CAP1: variants seen among roughly 807,000 people sequenced by gnomAD.
CAP1 encodes adenylyl cyclase-associated protein 1.
A neutral mutation model predicts 58.2 loss-of-function variants in CAP1; 11 were observed. The ratio of observed to expected loss-of-function variants is 0.19; its 90% CI spans 0.12 to 0.31. The LOEUF is 0.31. Ranked by LOEUF, CAP1 falls within the 10% of genes least tolerant of loss-of-function variation. The pLI is 1.00. For missense variants in CAP1, 423 were observed against 587.5 expected (o/e 0.72, Z 2.89); for synonymous variants, 183 against 213.8 (o/e 0.86, Z 1.26).
Position 40,069,441 on chromosome 1 carries a change from T to C in CAP1, c.809-249T>C. ...GATATGTCTTTCTAGACATAGAGGA[T>C]AAGGATTTACATATCCTTATCCTCA... On this transcript the variant is annotated intron_variant, in intron 8 of 12. Coordinates refer to ENST00000372805, the MANE Select transcript of CAP1 (RefSeq NM_006367.4). 8.3e-6 allele frequency: 3 copies of C among 363,238 alleles called. No individual in the cohort carries two copies. The South Asian group carries it at 1.7e-4, about 20-fold the overall frequency. 22.5% of individuals were successfully genotyped at this position (363,238 alleles called of 1,614,324 possible).
chr1:40,045,412 A>G (rs755806494), intron 1 of CAP1, among the ~76,000 whole-genome samples: 2 of 152,144 alleles, frequency 1.3e-5, no homozygotes, highest in Non-Finnish European at 2.9e-5. Flanking sequence ...TCAAGAAATT[A>G]CTGTTCCTTC....
rs1647447939 is a variant in CAP1, at chr1:40,069,735, C to T, written c.854C>T (p.Ala285Val). ...GACATGAAGACTCACAAGAACCCTGCCCTGAAGGCTCAGAGTGGTCCAGTA... is the reference window on the plus strand; with the variant it reads ...GACATGAAGACTCACAAGAACCCTGTCCTGAAGGCTCAGAGTGGTCCAGTA... ...SDDMKTHKNP[A>V]LKAQSGPVRS... Residue 285 changes from alanine to valine, a missense_variant, in exon 9 of 13, where the codon GCC becomes GTC. By Grantham distance (64) the Ala-to-Val change is moderately conservative. Coordinates refer to ENST00000372805, the MANE Select transcript of CAP1 (RefSeq NM_006367.4). 1.9e-6 allele frequency: 3 copies of T among 1,613,704 alleles called. No homozygotes were observed. The highest frequency in any genetic ancestry group is 2.5e-6 in the Non-Finnish European group (3 of 1,179,864).
rs373614963 is a variant in CAP1 at position 40,059,395 on chromosome 1, C to T, written c.49C>T (p.Arg17Cys). 29 of 1,613,806 alleles carry T rather than the reference C, an allele frequency of 1.8e-5. No individual in the cohort carries two copies. The highest frequency in any genetic ancestry group is 2.4e-5 in the Non-Finnish European group (28 of 1,179,880). Reference protein sequence around the residue: ...LVERLERAVGRLEAVSHTSDM... With the variant: ...LVERLERAVGCLEAVSHTSDM... ...AGAAAGATTGGAGAGGGCAGTGGGCCGCCTGGAGGCAGTATCTCATACCTC... is the reference window on the plus strand; with the variant it reads ...AGAAAGATTGGAGAGGGCAGTGGGCTGCCTGGAGGCAGTATCTCATACCTC... The change falls in exon 2 of 13, where the codon CGC (arginine) becomes TGC (cysteine). Residue 17 changes from arginine (R) to cysteine (C), a missense_variant. By Grantham distance (180) the Arg-to-Cys change is radical. Coordinates refer to ENST00000372805, the MANE Select transcript of CAP1 (RefSeq NM_006367.4).
At chr1:40,069,516 T>A (rs1001581536) in intron 8 of CAP1, 174 bp from the exon 9 acceptor site, 9 of 636,768 alleles carry the variant, frequency 1.4e-5, no homozygotes, top group Non-Finnish European at 2.5e-5. Context: ...CCATATAATT[T>A]AATCTTGGGG....
intron 1 of CAP1, among the ~76,000 whole-genome samples, chr1:40,048,582 AAAATATTAT>A (rs1256447087): frequency 1.3e-4 from 20 of 152,292 alleles, no homozygotes; most frequent in African/African-American, 2.6e-4. Flanking sequence ...TTATTATTAT[AAAATATTAT>A]ATGTTAAAAG....
rs1319015481 is a variant in CAP1, at chr1:40,070,385, T to C, written c.1118-45T>C. The C allele has an allele frequency of 8.1e-6, 12 of 1,483,940 alleles. No individual in the cohort carries two copies. The East Asian group carries it at 2.7e-4, about 33-fold the overall frequency. 91.9% of individuals were successfully genotyped at this position (1,483,940 alleles called of 1,614,324 possible). A position where few individuals can be genotyped will look rare whatever the true frequency, so the allele number is the denominator to read the frequency against. On this transcript the variant is annotated intron_variant, in intron 10 of 12. Transcript: ENST00000372805. ...TTAAAGATTCCTAAATGTATATTAC[T>C]TTCCTTTAAAGTTACACGTTGACAC...
chr1:40,060,308 T>C (rs1384507304), intron 3 of CAP1, 138 bp downstream of exon 3: 1 of 609,896 alleles, frequency 1.6e-6, no homozygotes, highest in Non-Finnish European at 2.9e-6. Flanking sequence ...CTTTCTCTTT[T>C]GCCTGTACTG....
intron 1 of CAP1, among the ~76,000 whole-genome samples, chr1:40,043,460 T>C (rs1645937982): frequency 6.6e-6 from 1 of 152,138 alleles, no homozygotes; most frequent in Non-Finnish European, 1.5e-5. Flanking sequence ...CCTCCCAAAG[T>C]GTTGTGATTA....
rs1449918683 is a variant in CAP1 at position 40,067,714 on chromosome 1, C to T, written c.805C>T (p.His269Tyr). Residue 269 changes from histidine to tyrosine, a missense_variant, in exon 8 of 13, where the codon CAT becomes TAT. His to Tyr is a moderately conservative substitution (Grantham distance 83). Coordinates refer to ENST00000372805, the MANE Select transcript of CAP1 (RefSeq NM_006367.4). ...AQINQGESITHALKHVSDDMK... is the reference protein window; with the variant it reads ...AQINQGESITYALKHVSDDMK... ...GATTAATCAGGGGGAGAGCATTACA[C>T]ATGGTGAGTGAGCACTTGGACACGA... 3.1e-6 allele frequency: 5 copies of T among 1,596,322 alleles called. No homozygotes were observed. The South Asian group carries it at 5.6e-5, about 18-fold the overall frequency.
intron 7 of CAP1, 72 bp from the exon 8 acceptor site, chr1:40,067,468 G>A (rs905741149): frequency 7.5e-7 from 1 of 1,332,694 alleles, no homozygotes; most frequent in Non-Finnish European, 1.0e-6. Flanking sequence ...ACTGGCCCAT[G>A]TAGGGCACTA....
chr1:40,043,787 G>A (rs528772181), intron 1 of CAP1, among the ~76,000 whole-genome samples: 1 of 152,160 alleles, frequency 6.6e-6, no homozygotes, highest in African/African-American at 2.4e-5. Context: ...TGAGGCAGGA[G>A]ACTCGCTTGA....
In CAP1 at chr1:40,047,923, C is replaced by G. The variant is rs139482336; in HGVS notation, c.-11+7122C>G. 3.7e-3 allele frequency among the ~76,000 whole-genome samples: 558 copies of G among 152,232 alleles called. 4 individuals carry two copies. The highest frequency in any genetic ancestry group is 0.013 in the African/African-American group (533 of 41,546). The stretch of plus-strand genomic sequence containing the variant: ...ATTCCTTCCCTCCGTAGAAGATAGG[C>G]CTTTCTTTTAAAATCTAAACCTCGG... On this transcript the variant is annotated intron_variant, in intron 1 of 12. Transcript: ENST00000372805.
chr1:40,044,857 C>T (rs1219625979), intron 1 of CAP1, among the ~76,000 whole-genome samples: 13 of 138,046 alleles, frequency 9.4e-5, no homozygotes, highest in Non-Finnish European at 1.5e-5. Flanking sequence ...AGTGCAGTGG[C>T]ACAATCTCGG....
intron 8 of CAP1, among the ~76,000 whole-genome samples, chr1:40,068,873 C>T (rs1420429493): frequency 1.3e-5 from 2 of 151,882 alleles, no homozygotes; most frequent in Non-Finnish European, 2.9e-5. Flanking sequence ...CACTTTGTTG[C>T]TCAGGCTGGA....
At chr1:40,061,477 AC>A (rs1270898705) in intron 3 of CAP1, among the ~76,000 whole-genome samples, 1 of 152,236 alleles carries the variant, frequency 6.6e-6, no homozygotes, top group Non-Finnish European at 1.5e-5. Flanking sequence ...TAAGATGCTA[AC>A]ATGACTTCAT....
chr1:40,054,990 G>A (rs553762489), intron 1 of CAP1, among the ~76,000 whole-genome samples: 1 of 152,316 alleles, frequency 6.6e-6, no homozygotes, highest in Admixed American at 6.5e-5. Flanking sequence ...GTGCAGTGTT[G>A]TGACACAGAT....
At position 40,059,446 on chromosome 1, in the gene CAP1, A is replaced by G. The variant is rs750647846; in HGVS notation, c.100A>G (p.Ser34Gly). 1.2e-6 allele frequency: 2 copies of G among 1,604,424 alleles called. No individual in the cohort carries two copies. Among genetic ancestry groups the G allele is most frequent in the Admixed American group, 1.7e-5 (1 of 59,986 alleles). ...TGACATGCACCGTGGGTATGCAGAC[A>G]GTCCTTCAAAAGGTAAGCAGTCCAC... ...TSDMHRGYAD[S>G]PSKAGAAPYV... Residue 34 changes from serine (S) to glycine (G), a missense_variant, in exon 2 of 13, where the codon AGT (serine) becomes GGT (glycine). Ser to Gly is a moderately conservative substitution (Grantham distance 56). Coordinates refer to ENST00000372805, the MANE Select transcript of CAP1 (RefSeq NM_006367.4).
intron 4 of CAP1, among the ~76,000 whole-genome samples, chr1:40,063,751 G>T (rs1195544221): frequency 2.0e-5 from 3 of 152,160 alleles, no homozygotes; most frequent in Admixed American, 2.0e-4. Flanking sequence ...ATTCACATGG[G>T]TCCATTAATA....
chr1:40,053,821 A>G (rs1186570505), intron 1 of CAP1, among the ~76,000 whole-genome samples: 2 of 152,212 alleles, frequency 1.3e-5, no homozygotes, highest in Non-Finnish European at 1.5e-5. Flanking sequence ...ATGTCTGCGT[A>G]ACATACCTTG....
Sources: allele counts gnomAD v4.1 joint callset (sites outside exome capture counted in the v4.1 genomes callset), GRCh38; gene constraint gnomAD v4.1.1; transcripts MANE v1.5; gene names NCBI Gene and HGNC (gene_info 2026-07-23, HGNC 2026-07-21).